DNAJB14: variants seen among roughly 807,000 people sequenced by gnomAD.
DNAJB14 encodes dnaJ homolog subfamily B member 14.
Under a neutral mutation model 48.4 loss-of-function variants are expected in DNAJB14, and 22 were observed. That is an observed-to-expected ratio of 0.45 (90% confidence interval 0.32 to 0.65). The LOEUF (loss-of-function observed/expected upper bound fraction) is 0.65, where lower values mean the gene tolerates loss of function less well. Among genes scored for constraint, DNAJB14 ranks in the 30% least tolerant of loss-of-function variants. The pLI is 0.03. For missense variants in DNAJB14, 319 were observed against 458.8 expected, an observed-to-expected ratio of 0.70 and a Z score of 2.78; for synonymous variants, 142 against 158.7, an observed-to-expected ratio of 0.89 and a Z score of 0.79.
chr4:99,923,591 G>T, intron 2 of DNAJB14: 1 of 815,060 alleles, frequency 1.2e-6, no homozygotes, highest in Non-Finnish European at 1.5e-6. Context: ...GAATGAACAT[G>T]CATTACATTC....
chr4:99,918,113 G>C (rs977000925), intron 3 of DNAJB14, among the ~76,000 whole-genome samples: 2 of 151,918 alleles, frequency 1.3e-5, no homozygotes, highest in Non-Finnish European at 2.9e-5. Flanking sequence ...CTAAATATTA[G>C]ATCTTTTGCT....
intron 1 of DNAJB14, among the ~76,000 whole-genome samples, chr4:99,938,845 T>C (rs1726786490): frequency 6.6e-6 from 1 of 152,178 alleles, no homozygotes; most frequent in Non-Finnish European, 1.5e-5. Flanking sequence ...GATAACTTGC[T>C]AGTTTTTGGA....
At chr4:99,903,313 T>C (rs1231458452) in intron 7 of DNAJB14, among the ~76,000 whole-genome samples, 1 of 152,082 alleles carries the variant, frequency 6.6e-6, no homozygotes, top group Non-Finnish European at 1.5e-5. Flanking sequence ...CATTGTACAT[T>C]AAATTCTAAA....
chr4:99,933,692 A>C (rs1220149144), intron 1 of DNAJB14, among the ~76,000 whole-genome samples: 1 of 152,190 alleles, frequency 6.6e-6, no homozygotes, highest in African/African-American at 2.4e-5. Context: ...TTTAGACATA[A>C]AAACTTTTGT....
chr4:99,900,955 C>T lies in DNAJB14; in HGVS notation c.*73G>A. 6.8e-7 allele frequency: 1 copy of T among 1,470,142 alleles called. No homozygotes were observed. Among genetic ancestry groups the T allele is most frequent in the South Asian group, 1.3e-5 (1 of 75,064 alleles). 91.1% of individuals were successfully genotyped at this position (1,470,142 alleles called of 1,614,324 possible). Reference sequence around the variant, plus strand: ...TCAGTATCAAATCTTTTCCTTCATCCCTCATGATGAAACCAAACTTACTTA... The same window carrying T: ...TCAGTATCAAATCTTTTCCTTCATCTCTCATGATGAAACCAAACTTACTTA... On this transcript the variant is annotated 3_prime_UTR_variant, in exon 8 of 8. Transcript: ENST00000442697.
At chr4:99,944,892 T>A (rs1578244194) in intron 1 of DNAJB14, among the ~76,000 whole-genome samples, 1 of 152,162 alleles carries the variant, frequency 6.6e-6, no homozygotes, top group African/African-American at 2.4e-5. Context: ...AGTATTTTTT[T>A]AAAGAGGAAT....
rs952442227 is a variant in DNAJB14 at position 99,901,106 on chromosome 4, G to A, written c.1062C>T (p.Leu354=). ...TGCTCAAGGCATCTGCCTTCCTTCG[G>A]AGTCGATCATCACGGTATACTTTTG... ...YAAKVYRDDR[L]RRKADALSMD... is the part of the protein sequence containing the mutation. Residue 354 remains leucine (L), a synonymous_variant, in exon 8 of 8, where the codon CTC becomes CTT. Coordinates refer to ENST00000442697, the MANE Select transcript of DNAJB14 (RefSeq NM_001031723.4). 1.2e-5 allele frequency: 19 copies of A among 1,610,722 alleles called. No individual in the cohort carries two copies. Among genetic ancestry groups the A allele is most frequent in the Middle Eastern group, 4.5e-4 (2 of 4,474 alleles).
intron 2 of DNAJB14, chr4:99,927,428 C>T (rs191817761): frequency 7.2e-5 from 11 of 152,230 alleles, no homozygotes; most frequent in South Asian, 4.1e-4. Flanking sequence ...TCTGAAAGAA[C>T]GGAAGCTTAA....
At chr4:99,915,943 C>T (rs145479007) in intron 3 of DNAJB14, among the ~76,000 whole-genome samples, 218 of 152,238 alleles carry the variant, frequency 1.4e-3, no homozygotes, top group Non-Finnish European at 1.6e-3. Flanking sequence ...TCTTAAAGGA[C>T]TGACCCTTTT....
Position 99,923,844 on chromosome 4 carries a change from C to T in DNAJB14, c.306-659G>A, listed in dbSNP as rs1726150594. ...ATAAACCACTGCACCCGGCCATCCC[C>T]GTTATGCCAAAGATAATTTATCTGT... is the stretch of plus-strand genomic sequence containing the variant. On this transcript the variant is annotated intron_variant, in intron 2 of 7. Transcript: ENST00000442697. The T allele has an allele frequency of 6.1e-6, 6 of 984,802 alleles. No individual in the cohort carries two copies. In the South Asian group the frequency reaches 1.9e-4, roughly 31 times the overall value. The allele number at this position is 984,802 out of a possible 1,614,324, so 61.0% of individuals were successfully genotyped here. A position where few individuals can be genotyped will look rare whatever the true frequency, so the allele number is the denominator to read the frequency against.
chr4:99,905,521 G>A, intron 6 of DNAJB14, 76 bp downstream of exon 6: 1 of 1,122,640 alleles, frequency 8.9e-7, no homozygotes, highest in Non-Finnish European at 1.3e-6. Flanking sequence ...GTTTAAAAGA[G>A]CACAAGCTCT....
chr4:99,923,019 G>A (rs777672545), intron 3 of DNAJB14, 21 bp downstream of exon 3: 3 of 1,583,092 alleles, frequency 1.9e-6, no homozygotes, highest in South Asian at 1.2e-5. Context: ...TAGTAAAATT[G>A]CTTTAAAAGG....
intron 1 of DNAJB14, among the ~76,000 whole-genome samples, chr4:99,941,717 A>T (rs1726896960): frequency 6.6e-6 from 1 of 152,150 alleles, no homozygotes; most frequent in Non-Finnish European, 1.5e-5. Context: ...TTGTTGAATA[A>T]ATCAAACTCC....
chr4:99,926,291 A>T (rs1385315160), intron 2 of DNAJB14: 2 of 152,168 alleles, frequency 1.3e-5, no homozygotes, highest in Non-Finnish European at 2.9e-5. Flanking sequence ...TTTGTTCACC[A>T]TATATGTTGG....
chr4:99,929,515 G>C (rs1726383358), intron 2 of DNAJB14: 1 of 152,048 alleles, frequency 6.6e-6, no homozygotes, highest in African/African-American at 2.4e-5. Flanking sequence ...TTAAAATTAA[G>C]ATATGGTAAC....
In DNAJB14 at chr4:99,938,097, C is replaced by CAAAAAAAAAAAAAAAAAAAAAAAAAAA. The variant is rs59597113; in HGVS notation, c.134-7503_134-7477dup. On this transcript the variant is annotated intron_variant, in intron 1 of 7. Coordinates refer to ENST00000442697, the MANE Select transcript of DNAJB14 (RefSeq NM_001031723.4). Reference sequence around the variant, plus strand: ...ACATGGCGAAACCATGTTAAAAATACAAAAAAAAAAAAAAAAAAAAAAAAA... The same window carrying CAAAAAAAAAAAAAAAAAAAAAAAAAAA: ...ACATGGCGAAACCATGTTAAAAATACAAAAAAAAAAAAAAAAAAAAAAAAAAAAAAAAAAAAAAAAAAAAAAAAAAAA... Among the ~76,000 whole-genome samples the CAAAAAAAAAAAAAAAAAAAAAAAAAAA allele has an allele frequency of 2.0e-4, 8 of 40,970 alleles. 1 individual carries two copies. The highest frequency in any genetic ancestry group is 2.4e-4 in the African/African-American group (3 of 12,694). The allele number at this position is 40,970 out of a possible 152,430, so 26.9% of individuals were successfully genotyped here.
At chr4:99,942,536 A>G (rs1399159153) in intron 1 of DNAJB14, 2 of 152,100 alleles carry the variant, frequency 1.3e-5, no homozygotes, top group African/African-American at 4.8e-5. Context: ...CTATTCATAT[A>G]TATCAATACT....
At chr4:99,938,095 T>TAA (rs1726746783) in intron 1 of DNAJB14, among the ~76,000 whole-genome samples, 1 of 4,072 alleles carries the variant, frequency 2.5e-4, no homozygotes, top group Non-Finnish European at 5.0e-4. Flanking sequence ...ATGTTAAAAA[T>TAA]ACAAAAAAAA....
intron 1 of DNAJB14, among the ~76,000 whole-genome samples, chr4:99,943,884 T>A (rs569570248): frequency 3.3e-5 from 5 of 151,844 alleles, no homozygotes; most frequent in Admixed American, 1.3e-4. Flanking sequence ...AATAGAAAAA[T>A]GGCACTACAA....
Sources: gnomAD v4.1 joint callset for allele counts (sites outside exome capture counted in the v4.1 genomes callset) on GRCh38, gnomAD v4.1.1 for gene constraint, MANE v1.5 for transcripts, NCBI Gene and HGNC (gene_info 2026-07-23, HGNC 2026-07-21) for gene names.